TLE1: variants seen among roughly 807,000 people sequenced by gnomAD.
TLE1 encodes the protein TLE family member 1, transcriptional corepressor, also known as transducin-like enhancer protein 1.
A neutral mutation model predicts 89.8 loss-of-function variants in TLE1; 21 were observed. That is an observed-to-expected ratio of 0.23 (90% CI 0.17 to 0.34). The LOEUF is 0.34. TLE1 is among the 10% of genes least tolerant of loss of function. TLE1 has a pLI of 1.00. For synonymous variants in TLE1, 447 were observed against 407.6 expected, an observed-to-expected ratio of 1.10 and a Z score of -1.16; for missense variants, 795 against 1,031.2, an observed-to-expected ratio of 0.77 and a Z score of 3.14.
intron 14 of TLE1, among the ~76,000 whole-genome samples, chr9:81,602,036 C>A (rs537170472): frequency 1.3e-5 from 2 of 152,098 alleles, no homozygotes; most frequent in African/African-American, 4.8e-5. Flanking sequence ...AGATGTTTCA[C>A]GGTGCAACTG....
intron 4 of TLE1, among the ~76,000 whole-genome samples, chr9:81,667,344 C>G (rs961458942): frequency 7.3e-6 from 1 of 136,104 alleles, no homozygotes; most frequent in Non-Finnish European, 1.5e-5. Context: ...TGCAGTGAGC[C>G]GAGAGATCAC....
chr9:81,623,617 TA>T (rs751545706), intron 8 of TLE1, among the ~76,000 whole-genome samples: 193 of 44,494 alleles, frequency 4.3e-3, no homozygotes, highest in African/African-American at 0.012. Flanking sequence ...CATCTGTACT[TA>T]AAAAAAAAAA....
chr9:81,588,489 G>C (rs558495057), intron 16 of TLE1, among the ~76,000 whole-genome samples: 9 of 152,306 alleles, frequency 5.9e-5, no homozygotes, highest in Non-Finnish European at 1.0e-4. Flanking sequence ...CAGAGACACA[G>C]GTAATTGCTG....
intron 4 of TLE1, among the ~76,000 whole-genome samples, chr9:81,665,864 T>TTC (rs1831400709): frequency 6.7e-6 from 1 of 150,032 alleles, no homozygotes; most frequent in Non-Finnish European, 1.5e-5. Context: ...CTGCCCTCAT[T>TTC]TTTTTTTTTT....
chr9:81,648,864 C>CT (rs1195816862), intron 6 of TLE1, among the ~76,000 whole-genome samples: 4 of 152,120 alleles, frequency 2.6e-5, no homozygotes. Flanking sequence ...GATCTAAAAA[C>CT]TCAAGGTCTC....
chr9:81,599,030 T>A (rs1830566208), intron 14 of TLE1, among the ~76,000 whole-genome samples: 1 of 152,162 alleles, frequency 6.6e-6, no homozygotes. Context: ...AACTTGAGCC[T>A]CATTTCCCCA....
intron 8 of TLE1, 21 bp from the exon 9 acceptor site, chr9:81,620,578 T>C (rs1176063542): frequency 3.1e-6 from 5 of 1,598,374 alleles, no homozygotes; most frequent in Middle Eastern, 1.7e-4. Context: ...AAAAAATTAA[T>C]CAAAGATTTC....
intron 14 of TLE1, among the ~76,000 whole-genome samples, chr9:81,604,811 G>C (rs2131980393): frequency 6.6e-6 from 1 of 152,212 alleles, no homozygotes; most frequent in South Asian, 2.1e-4. Flanking sequence ...GCACGACACA[G>C]ACTGTGCCTC....
chr9:81,588,352 C>T (rs1400362781), intron 16 of TLE1, among the ~76,000 whole-genome samples: 1 of 152,120 alleles, frequency 6.6e-6, no homozygotes, highest in African/African-American at 2.4e-5. Context: ...TACGTGCCAA[C>T]AGAGCATGAG....
At chr9:81,597,786 T>TG (rs1379012957) in intron 14 of TLE1, among the ~76,000 whole-genome samples, 1 of 152,178 alleles carries the variant, frequency 6.6e-6, no homozygotes, top group Non-Finnish European at 1.5e-5. Flanking sequence ...TTTCATTTAC[T>TG]GGGCACACAG....
At chr9:81,616,310 C>T (rs1347426645) in intron 10 of TLE1, among the ~76,000 whole-genome samples, 176 bp from the exon 11 acceptor site, 1 of 151,812 alleles carries the variant, frequency 6.6e-6, no homozygotes, top group African/African-American at 2.4e-5. Flanking sequence ...AACATACCTG[C>T]AAACATGCCA....
chr9:81,625,195 A>G (rs1825757811), intron 8 of TLE1, among the ~76,000 whole-genome samples: 1 of 152,210 alleles, frequency 6.6e-6, no homozygotes, highest in Admixed American at 6.5e-5. Context: ...AAAATCTGGA[A>G]TTCTGTGAGA....
intron 4 of TLE1, among the ~76,000 whole-genome samples, chr9:81,673,238 A>C (rs1005818090): frequency 1.5e-5 from 2 of 133,912 alleles, no homozygotes; most frequent in Non-Finnish European, 1.5e-5. Flanking sequence ...GCGCCATTGC[A>C]CTCCAGCCTG....
intron 15 of TLE1, 141 bp from the exon 16 acceptor site, chr9:81,591,193 A>G (rs1225207198): frequency 2.6e-6 from 3 of 1,164,712 alleles, no homozygotes; most frequent in African/African-American, 3.1e-5. Context: ...TCTAGTCAAG[A>G]TTGGGGTCCA....
In TLE1 at chr9:81,655,586, GAAAA is replaced by G. The variant is rs559986303; in HGVS notation, c.235-1554_235-1551del. On this transcript the variant is annotated intron_variant, in intron 4 of 19. Coordinates refer to ENST00000376499, the MANE Select transcript of TLE1 (RefSeq NM_005077.5). ...GAACCAGTTCTGCTTTTTTAAAAAA[GAAAA>G]AAAAAGTCATCTGTAAAGAGGCCCA... 2.4e-3 allele frequency among the ~76,000 whole-genome samples: 363 copies of G among 149,608 alleles called. 2 individuals carry two copies. The highest frequency in any genetic ancestry group is 8.5e-3 in the African/African-American group (347 of 40,818).
At chr9:81,610,192 A>G in intron 14 of TLE1, 28 bp downstream of exon 14, 2 of 1,604,234 alleles carry the variant, frequency 1.2e-6, no homozygotes, top group Non-Finnish European at 8.5e-7. Flanking sequence ...CACCTTTAAA[A>G]CAAAACCAAG....
At chr9:81,586,820 T>C (rs1828537378) in intron 17 of TLE1, among the ~76,000 whole-genome samples, 1 of 152,168 alleles carries the variant, frequency 6.6e-6, no homozygotes, top group South Asian at 2.1e-4. Flanking sequence ...TGTATCCTGC[T>C]TATGTTGGGA....
chr9:81,651,848 G>A (rs1201956566), intron 6 of TLE1, among the ~76,000 whole-genome samples: 1 of 152,052 alleles, frequency 6.6e-6, no homozygotes, highest in African/African-American at 2.4e-5. Context: ...GACGGGCAAG[G>A]GGGTGCCTGC....
chr9:81,680,216 G>A (rs1167090748), intron 4 of TLE1, among the ~76,000 whole-genome samples: 1 of 152,092 alleles, frequency 6.6e-6, no homozygotes, highest in Non-Finnish European at 1.5e-5. Context: ...GACTTGCCCA[G>A]TCCCGAATGG....
Sources: gnomAD v4.1 joint callset for allele counts (sites outside exome capture counted in the v4.1 genomes callset) on GRCh38, gnomAD v4.1.1 for gene constraint, MANE v1.5 for transcripts, NCBI Gene and HGNC (gene_info 2026-07-23, HGNC 2026-07-21) for gene names.